FHOD3: variants seen among roughly 807,000 people sequenced by gnomAD.
FHOD3 encodes the protein formin homology 2 domain containing 3.
In FHOD3, 90 loss-of-function variants were observed where a neutral mutation model predicts 173.0. The observed-to-expected ratio is 0.52, with a 90% CI of 0.44 to 0.62. The LOEUF (loss-of-function observed/expected upper bound fraction) is 0.62, where lower values mean the gene tolerates loss of function less well. Ranked by LOEUF, FHOD3 falls within the 20% of genes least tolerant of loss-of-function variation. FHOD3 has a pLI of 0.00. For synonymous variants in FHOD3, 828 were observed against 823.0 expected, an observed-to-expected ratio of 1.01 and a Z score of -0.10; for missense variants, 1,945 against 2,034.7, an observed-to-expected ratio of 0.96 and a Z score of 0.85.
chr18:36,635,719 C>T (rs1312449302), intron 10 of FHOD3, among the ~76,000 whole-genome samples: 1 of 152,142 alleles, frequency 6.6e-6, no homozygotes, highest in Admixed American at 6.5e-5. Flanking sequence ...TGGAAATTCC[C>T]ATAGTCAGTT....
chr18:36,688,224 G>T (rs1037641833), intron 16 of FHOD3, among the ~76,000 whole-genome samples: 4 of 152,206 alleles, frequency 2.6e-5, no homozygotes, highest in African/African-American at 4.8e-5. Context: ...ACCACCAGGT[G>T]GGGTGACTGC....
At chr18:36,647,273 A>G (rs2035755562) in intron 10 of FHOD3, among the ~76,000 whole-genome samples, 3 of 152,172 alleles carry the variant, frequency 2.0e-5, no homozygotes, top group Admixed American at 2.0e-4. Flanking sequence ...ACAAAAAAAA[A>G]TTCATTTTTT....
At position 36,717,880 on chromosome 18, in the gene FHOD3, G is replaced by A. The variant is rs2040547225; in HGVS notation, c.2582G>A (p.Gly861Asp). 1 of 1,610,382 alleles carries A rather than the reference G, an allele frequency of 6.2e-7. No individual in the cohort carries two copies. The highest frequency in any genetic ancestry group is 8.5e-7 in the Non-Finnish European group (1 of 1,178,032). ...GATGCAGGTGTAAATGGACAGTGTGGCGACATCCTCACCAACAAACGGTTC... is the reference window on the plus strand; with the variant it reads ...GATGCAGGTGTAAATGGACAGTGTGACGACATCCTCACCAACAAACGGTTC... Reference protein sequence around the residue: ...VQDAGVNGQCGDILTNKRFML... With the variant: ...VQDAGVNGQCDDILTNKRFML... The change falls in exon 19 of 29, where the codon GGC becomes GAC. Residue 861 changes from glycine to aspartate, a missense_variant. Transcript: ENST00000590592.
At chr18:36,644,212 G>A (rs1656944440) in intron 10 of FHOD3, among the ~76,000 whole-genome samples, 1 of 152,170 alleles carries the variant, frequency 6.6e-6, no homozygotes, top group African/African-American at 2.4e-5. Context: ...AAAGACCTGT[G>A]GAGGTATTGG....
chr18:36,352,250 A>T (rs1428275053), intron 1 of FHOD3, among the ~76,000 whole-genome samples: 2 of 152,192 alleles, frequency 1.3e-5, no homozygotes, highest in Non-Finnish European at 2.9e-5. Context: ...CTGCTACAAA[A>T]AAATAGTAAT....
chr18:36,725,109 CCCTAGTCTAGCAT>C (rs1195058095), intron 19 of FHOD3, among the ~76,000 whole-genome samples: 1 of 152,186 alleles, frequency 6.6e-6, no homozygotes, highest in Non-Finnish European at 1.5e-5. Context: ...TCCAGCCAAC[CCCTAGTCTAGCAT>C]CCTGTACCTG....
At chr18:36,485,447 A>G (rs563258097) in intron 3 of FHOD3, among the ~76,000 whole-genome samples, 1 of 152,278 alleles carries the variant, frequency 6.6e-6, no homozygotes, top group African/African-American at 2.4e-5. Context: ...GCGCCCACCC[A>G]TAGGGCCTGT....
At chr18:36,749,822 T>A (rs2042323683) in intron 24 of FHOD3, among the ~76,000 whole-genome samples, 1 of 152,236 alleles carries the variant, frequency 6.6e-6, no homozygotes, top group Non-Finnish European at 1.5e-5. Flanking sequence ...GTTCCTTTTT[T>A]TCCACAACTT....
intron 6 of FHOD3, among the ~76,000 whole-genome samples, chr18:36,585,072 C>A (rs2058982255): frequency 6.6e-6 from 1 of 152,100 alleles, no homozygotes; most frequent in African/African-American, 2.4e-5. Flanking sequence ...ATATTTAATG[C>A]CTACATAATA....
At chr18:36,312,536 C>T (rs1402374883) in intron 1 of FHOD3, among the ~76,000 whole-genome samples, 1 of 152,132 alleles carries the variant, frequency 6.6e-6, no homozygotes, top group African/African-American at 2.4e-5. Context: ...ACTGCCTCAG[C>T]GAGGAGCATT....
intron 27 of FHOD3, among the ~76,000 whole-genome samples, chr18:36,768,768 C>A (rs887921882): frequency 6.6e-6 from 1 of 152,178 alleles, no homozygotes; most frequent in South Asian, 2.1e-4. Flanking sequence ...TTCTACTTAG[C>A]GAGAAGTTAG....
At chr18:36,575,690 G>C (rs1439602102) in intron 5 of FHOD3, among the ~76,000 whole-genome samples, 2 of 151,924 alleles carry the variant, frequency 1.3e-5, no homozygotes, top group African/African-American at 4.8e-5. Context: ...CTTCCTTTAG[G>C]GCATGTAACT....
At chr18:36,483,351 C>G (rs1024292365) in intron 3 of FHOD3, among the ~76,000 whole-genome samples, 13 of 152,282 alleles carry the variant, frequency 8.5e-5, no homozygotes, top group Non-Finnish European at 5.9e-5. Flanking sequence ...CAGTCGGGCT[C>G]AGCCAGATGC....
chr18:36,461,610 G>C (rs1412602359), intron 3 of FHOD3, among the ~76,000 whole-genome samples: 2 of 152,152 alleles, frequency 1.3e-5, no homozygotes, highest in East Asian at 3.8e-4. Flanking sequence ...ACCCGCTTCT[G>C]CTTCTCATAG....
intron 5 of FHOD3, among the ~76,000 whole-genome samples, chr18:36,524,280 TCAAA>T (rs2056411847): frequency 1.1e-5 from 1 of 93,930 alleles, no homozygotes; most frequent in Admixed American, 1.2e-4. Flanking sequence ...AGGCTCTACC[TCAAA>T]AAAAAAAAAA....
chr18:36,676,582 C>T (rs1269518884), intron 14 of FHOD3, among the ~76,000 whole-genome samples: 1 of 152,108 alleles, frequency 6.6e-6, no homozygotes, highest in Non-Finnish European at 1.5e-5. Flanking sequence ...ATATATACAT[C>T]TTCAAATGTA....
intron 19 of FHOD3, among the ~76,000 whole-genome samples, chr18:36,729,633 G>A (rs1409982700): frequency 2.0e-5 from 3 of 152,182 alleles, no homozygotes; most frequent in Non-Finnish European, 4.4e-5. Flanking sequence ...GAGAGAACTA[G>A]TAGCACTCTG....
chr18:36,424,491 A>T (rs939011853), intron 3 of FHOD3, among the ~76,000 whole-genome samples: 1 of 152,094 alleles, frequency 6.6e-6, no homozygotes, highest in Admixed American at 6.5e-5. Flanking sequence ...GAATGTCAGT[A>T]CGTGAGGGCA....
At chr18:36,551,483 A>T (rs956583541) in intron 5 of FHOD3, among the ~76,000 whole-genome samples, 6 of 151,824 alleles carry the variant, frequency 4.0e-5, no homozygotes, top group South Asian at 2.1e-4. Context: ...TTAATTAATT[A>T]ATTTAATTAA....
Sources: gnomAD v4.1 joint callset for allele counts (sites outside exome capture counted in the v4.1 genomes callset) on GRCh38, gnomAD v4.1.1 for gene constraint, MANE v1.5 for transcripts, NCBI Gene and HGNC (gene_info 2026-07-23, HGNC 2026-07-21) for gene names.